Variants in BMP8A observed in about 807,000 individuals in gnomAD.
BMP8A encodes the protein bone morphogenetic protein 8a.
BMP8A carries 14 observed loss-of-function variants against 36.8 expected under a neutral mutation model. That is an observed-to-expected ratio of 0.38 (90% CI 0.25 to 0.60). The LOEUF is 0.60. Among genes scored for constraint, BMP8A ranks in the 20% least tolerant of loss-of-function variants. BMP8A has a pLI of 0.63. For synonymous variants in BMP8A, 120 were observed against 237.7 expected (o/e 0.50, Z 4.55); for missense variants, 267 against 551.1 (o/e 0.48, Z 5.16).
chr1:39,511,113 T>G (rs1477334873), intron 1 of BMP8A, 61 bp from the exon 2 acceptor site: 18 of 1,528,458 alleles, frequency 1.2e-5, no homozygotes, highest in Non-Finnish European at 1.4e-5. Flanking sequence ...TCACACCAGC[T>G]CTGCCCCCTC....
At position 39,529,607 on chromosome 1, in the gene BMP8A, ATGTTATC is replaced by A. The variant is rs567689797; in HGVS notation, c.*3813_*3819del. On this transcript the variant is annotated 3_prime_UTR_variant, in exon 7 of 7. Transcript: ENST00000331593. ...AAAAAATTTTTTCTCACGTAAGAAA[ATGTTATC>A]TGTGTGCTGGGGAAAATTTTGAAAA... Among the ~76,000 whole-genome samples, 7 of 152,358 alleles carry A rather than the reference ATGTTATC, an allele frequency of 4.6e-5. No homozygotes were observed. The South Asian group carries it at 8.3e-4, about 18-fold the overall frequency.
At chr1:39,502,534 G>A (rs1245269623) in intron 1 of BMP8A, among the ~76,000 whole-genome samples, 1 of 152,102 alleles carries the variant, frequency 6.6e-6, no homozygotes, top group African/African-American at 2.4e-5. Context: ...TCCAGGGGTG[G>A]GGATGGAAAC....
chr1:39,508,451 T>G (rs1037722699), intron 1 of BMP8A, among the ~76,000 whole-genome samples: 3 of 152,190 alleles, frequency 2.0e-5, no homozygotes, highest in African/African-American at 7.2e-5. Context: ...TTCACAGCCC[T>G]GGGTGGGAAG....
chr1:39,491,683 G>A lies in BMP8A; in HGVS notation c.-309G>A. The A allele has an allele frequency of 6.3e-6, 1 of 157,932 alleles. No homozygotes were observed. The highest frequency in any genetic ancestry group is 1.4e-5 in the Non-Finnish European group (1 of 72,256). The allele number at this position is 157,932 out of a possible 1,614,324, so 9.8% of individuals were successfully genotyped here. ...AGCTCGCCGGTCGCCCCTGCGCTGC[G>A]CGGACCGCAGCCACAGCCGGACTGG... On this transcript the variant is annotated 5_prime_UTR_variant, in exon 1 of 7. Coordinates refer to ENST00000331593, the MANE Select transcript of BMP8A (RefSeq NM_181809.4).
Position 39,523,000 on chromosome 1 carries a change from C to A in BMP8A, c.949-7C>A. 1 of 1,600,042 alleles carries A rather than the reference C, an allele frequency of 6.2e-7. No individual in the cohort carries two copies. Among genetic ancestry groups the A allele is most frequent in the African/African-American group, 1.3e-5 (1 of 74,816 alleles). ...GGATGGGACTCACCTTCTCCCTTGC[C>A]CCCCAGGACTGGGTCATCGCCCCCC... On this transcript the variant is annotated splice_region_variant and splice_polypyrimidine_tract_variant and intron_variant, in intron 5 of 6. Transcript: ENST00000331593.
rs1181924468 is a variant in BMP8A at position 39,523,767 on chromosome 1, G to A, written c.1059+650G>A. 4 of 1,179,522 alleles carry A rather than the reference G, an allele frequency of 3.4e-6. No homozygotes were observed. The African/African-American group carries it at 6.5e-5, about 19-fold the overall frequency. The allele number at this position is 1,179,522 out of a possible 1,614,324, so 73.1% of individuals were successfully genotyped here. ...TCACCACTGAGTGCTCTGTGTGTTT[G>A]CGGATTCTGGCACCGAGGCTTCCTT... On this transcript the variant is annotated intron_variant, in intron 6 of 6. Transcript: ENST00000331593.
In BMP8A at chr1:39,492,198, G is replaced by T. The variant is rs1290148085; in HGVS notation, c.207G>T (p.Leu69=). 2.2e-6 allele frequency: 3 copies of T among 1,387,562 alleles called. No individual in the cohort carries two copies. Among genetic ancestry groups the T allele is most frequent in the African/African-American group, 3.0e-5 (2 of 66,308 alleles). 86.0% of individuals were successfully genotyped at this position (1,387,562 alleles called of 1,614,324 possible). Residue 69 remains leucine (L), a synonymous_variant, in exon 1 of 7, where the codon CTG becomes CTT. Coordinates refer to ENST00000331593, the MANE Select transcript of BMP8A (RefSeq NM_181809.4). ...GCGCGCCACCCGCCGCCTCCCGGCT[G>T]CCCGCGTCCGCGCCGCTCTTCATGC... ...RPRAPPAASR[L]PASAPLFMLD...
intron 1 of BMP8A, among the ~76,000 whole-genome samples, chr1:39,506,459 G>A (rs961834191): frequency 5.3e-5 from 8 of 151,856 alleles, no homozygotes; most frequent in African/African-American, 1.2e-4. Context: ...CACCCGCCTC[G>A]GCCTCCCAAA....
chr1:39,517,969 A>G (rs1158287391), intron 3 of BMP8A, among the ~76,000 whole-genome samples: 2 of 152,084 alleles, frequency 1.3e-5, no homozygotes, highest in Non-Finnish European at 2.9e-5. Context: ...CATTCACACC[A>G]GACACTTAGG....
intron 5 of BMP8A, 164 bp downstream of exon 5, chr1:39,522,646 TTTG>T (rs59170117): frequency 8.2e-5 from 91 of 1,112,842 alleles, no homozygotes; most frequent in Admixed American, 6.6e-4. Flanking sequence ...GAGAAAGGGT[TTTG>T]TTGTTGTTGT....
intron 3 of BMP8A, chr1:39,514,900 C>A: frequency 7.0e-7 from 1 of 1,424,346 alleles, no homozygotes; most frequent in Non-Finnish European, 9.2e-7. Context: ...TGACGCGCGG[C>A]CCGAGGCGCA....
chr1:39,501,100 G>A (rs1012297293), intron 1 of BMP8A, among the ~76,000 whole-genome samples: 2 of 152,214 alleles, frequency 1.3e-5, no homozygotes, highest in African/African-American at 4.8e-5. Context: ...GTGGTGAGAG[G>A]AAGCAAGAGA....
Position 39,524,951 on chromosome 1 carries a change from C to G in BMP8A, c.1060-698C>G, listed in dbSNP as rs1279358919. On this transcript the variant is annotated intron_variant, in intron 6 of 6. Coordinates refer to ENST00000331593, the MANE Select transcript of BMP8A (RefSeq NM_181809.4). This position sits in a 1 kb window ranked among gnomAD's most constrained non-coding sequence, Gnocchi z 4.0. ...AGGCGAAAGGAGTCATCCAGGAGGC[C>G]TCCCAGGCGGGAGCTATGATGTCAG... The G allele has an allele frequency of 6.6e-6, 1 of 152,498 alleles. No individual in the cohort carries two copies. Among genetic ancestry groups the G allele is most frequent in the East Asian group, 1.9e-4 (1 of 5,190 alleles). 9.4% of individuals were successfully genotyped at this position (152,498 alleles called of 1,614,324 possible). A position where few individuals can be genotyped will look rare whatever the true frequency, so the allele number is the denominator to read the frequency against.
intron 1 of BMP8A, among the ~76,000 whole-genome samples, chr1:39,493,916 T>G (rs1331744450): frequency 2.0e-5 from 3 of 152,242 alleles, no homozygotes; most frequent in African/African-American, 7.2e-5. Flanking sequence ...CGACCTCCCC[T>G]GGCATCCCCT....
At chr1:39,522,044 G>C (rs1490427244) in intron 4 of BMP8A, among the ~76,000 whole-genome samples, 1 of 99,988 alleles carries the variant, frequency 1.0e-5, no homozygotes, top group East Asian at 3.4e-4. Context: ...CTTGAACCTC[G>C]GGAATGGGTG....
intron 1 of BMP8A, among the ~76,000 whole-genome samples, chr1:39,497,020 A>T (rs1038922198): frequency 6.6e-6 from 1 of 152,200 alleles, no homozygotes; most frequent in African/African-American, 2.4e-5. Flanking sequence ...TGAACTTCAC[A>T]TAAATGGAAT....
chr1:39,505,321 C>G (rs940666916), intron 1 of BMP8A, among the ~76,000 whole-genome samples: 1 of 152,178 alleles, frequency 6.6e-6, no homozygotes, highest in Non-Finnish European at 1.5e-5. Context: ...GTACTCAAGA[C>G]TGGAGAATGG....
chr1:39,524,144 G>A lies in BMP8A; in HGVS notation c.1059+1027G>A, dbSNP rs964435974. ...GAGCCATCTCCTTGGAAAGGCCCAG[G>A]GGTGATGAGGACGCGTGGGGTGGCC... On this transcript the variant is annotated intron_variant, in intron 6 of 6. Transcript: ENST00000331593. This position sits in a 1 kb window ranked among gnomAD's most constrained non-coding sequence, Gnocchi z 4.0. 1.3e-5 allele frequency among the ~76,000 whole-genome samples: 2 copies of A among 152,208 alleles called. No individual in the cohort carries two copies. The highest frequency in any genetic ancestry group is 4.8e-5 in the African/African-American group (2 of 41,460).
At chr1:39,517,827 T>A (rs1469298649) in intron 3 of BMP8A, among the ~76,000 whole-genome samples, 1 of 152,282 alleles carries the variant, frequency 6.6e-6, no homozygotes, top group Non-Finnish European at 1.5e-5. Flanking sequence ...AGGCTGCCGG[T>A]CCTGAAATCC....
Sources: gnomAD v4.1 joint callset for allele counts (sites outside exome capture counted in the v4.1 genomes callset) on GRCh38, gnomAD v4.1.1 for gene constraint, Gnocchi (gnomAD v3.1) non-coding constraint, MANE v1.5 for transcripts, NCBI Gene and HGNC (gene_info 2026-07-23, HGNC 2026-07-21) for gene names.